PREX1: variants seen among roughly 807,000 people sequenced by gnomAD.
The protein encoded by PREX1 is phosphatidylinositol-3,4,5-trisphosphate dependent Rac exchange factor 1, also known as phosphatidylinositol 3,4,5-trisphosphate-dependent Rac exchanger 1 protein.
Under a neutral mutation model 198.3 loss-of-function variants are expected in PREX1, and 41 were observed. That is an observed-to-expected ratio of 0.21 (90% CI 0.16 to 0.27). The LOEUF is 0.27. Ranked by LOEUF, PREX1 falls within the 10% of genes least tolerant of loss-of-function variation. The pLI is 1.00. For synonymous variants in PREX1, 843 were observed against 887.2 expected, an observed-to-expected ratio of 0.95 and a Z score of 0.89; for missense variants, 1,620 against 2,200.7, an observed-to-expected ratio of 0.74 and a Z score of 5.28.
chr20:48,708,523 C>T, intron 5 of PREX1, 102 bp from the exon 6 acceptor site: 2 of 1,269,018 alleles, frequency 1.6e-6, no homozygotes, highest in Non-Finnish European at 1.1e-6. Context: ...AAACTCCTCG[C>T]CTGGTGGACA....
chr20:48,689,913 G>A (rs1401057442), intron 9 of PREX1, among the ~76,000 whole-genome samples: 1 of 152,234 alleles, frequency 6.6e-6, no homozygotes, highest in East Asian at 1.9e-4. Context: ...GGAGAAGAGA[G>A]GAGAAGCGGA....
chr20:48,788,909 G>C (rs1374550087), intron 1 of PREX1, among the ~76,000 whole-genome samples: 1 of 152,174 alleles, frequency 6.6e-6, no homozygotes, highest in Admixed American at 6.5e-5. Context: ...CCCCTGCCAC[G>C]TGATTCCCTA....
chr20:48,768,841 T>C (rs933659251), intron 1 of PREX1, among the ~76,000 whole-genome samples: 2 of 151,904 alleles, frequency 1.3e-5, no homozygotes, highest in African/African-American at 4.8e-5. Context: ...AAGGGGACTC[T>C]GGAGGCAAAG....
chr20:48,707,483 A>G (rs1391815159), intron 6 of PREX1, among the ~76,000 whole-genome samples: 11 of 152,212 alleles, frequency 7.2e-5, no homozygotes, highest in African/African-American at 2.4e-4. Flanking sequence ...GAAAAGAACT[A>G]GAAATCTCAA....
chr20:48,630,785 G>A lies in PREX1; in HGVS notation c.4536C>T (p.Tyr1512=). ...QQYYRKLRAF[Y]LERSNLPTDA... is the part of the protein sequence containing the mutation. ...CCGTGGGCAGGTTAGACCGCTCCAGGTAAAATGCCCTGCGAGAGAAAGATG... is the reference window on the plus strand; with the variant it reads ...CCGTGGGCAGGTTAGACCGCTCCAGATAAAATGCCCTGCGAGAGAAAGATG... The change falls in exon 36 of 40, where the codon TAC becomes TAT. Residue 1512 remains tyrosine, a synonymous_variant. Transcript: ENST00000371941. 8 of 1,583,164 alleles carry A rather than the reference G, an allele frequency of 5.1e-6. No homozygotes were observed. Among genetic ancestry groups the A allele is most frequent in the Non-Finnish European group, 6.9e-6 (8 of 1,152,154 alleles).
chr20:48,700,476 A>C (rs1489590981), intron 7 of PREX1, among the ~76,000 whole-genome samples: 1 of 152,238 alleles, frequency 6.6e-6, no homozygotes, highest in East Asian at 1.9e-4. Context: ...TATAATTATA[A>C]TTGAATAAAA....
chr20:48,766,406 C>T (rs74428634), intron 1 of PREX1, among the ~76,000 whole-genome samples: 3,790 of 152,284 alleles, frequency 0.025, 70 homozygotes, highest in South Asian at 0.042. Flanking sequence ...AGCCGCTCCC[C>T]GCTTCTCTGA....
intron 1 of PREX1, among the ~76,000 whole-genome samples, chr20:48,768,683 G>C (rs571450818): frequency 6.6e-6 from 1 of 152,056 alleles, no homozygotes; most frequent in Non-Finnish European, 1.5e-5. Flanking sequence ...ACTGAGGCAG[G>C]AGAATCATTT....
chr20:48,845,794 G>A, the PREX1 span, among the ~76,000 whole-genome samples: 3 of 152,054 alleles, frequency 2.0e-5, no homozygotes, highest in Admixed American at 6.5e-5. Flanking sequence ...TCCAGAAGCC[G>A]CGAGGAGGCC....
the PREX1 span, among the ~76,000 whole-genome samples, chr20:48,885,087 T>C: frequency 2.0e-5 from 3 of 152,232 alleles, no homozygotes; most frequent in Non-Finnish European, 4.4e-5. Context: ...GGGATAAATA[T>C]AGTAGTACCA....
chr20:48,813,549 G>T (rs945790964), intron 1 of PREX1, among the ~76,000 whole-genome samples: 12 of 152,212 alleles, frequency 7.9e-5, no homozygotes, highest in Non-Finnish European at 1.6e-4. Context: ...GGTTACACAA[G>T]AGAACGTCTG....
At chr20:48,630,938 T>C in intron 35 of PREX1, 144 bp from the exon 36 acceptor site, 1 of 653,404 alleles carries the variant, frequency 1.5e-6, no homozygotes, top group East Asian at 2.8e-5. Context: ...CTGCAGGCTG[T>C]GCTCACCCGC....
intron 5 of PREX1, among the ~76,000 whole-genome samples, chr20:48,720,544 A>G (rs1482483112): frequency 1.3e-5 from 2 of 152,140 alleles, no homozygotes; most frequent in East Asian, 3.8e-4. Flanking sequence ...GGGATTTGCT[A>G]AGAGAGTAGT....
chr20:48,713,180 G>C (rs2089942390), intron 5 of PREX1, among the ~76,000 whole-genome samples: 1 of 150,418 alleles, frequency 6.6e-6, no homozygotes. Flanking sequence ...AGCCAGGCAT[G>C]GTGGCTCACG....
intron 6 of PREX1, among the ~76,000 whole-genome samples, chr20:48,704,964 G>A (rs908027145): frequency 2.0e-5 from 3 of 152,188 alleles, no homozygotes; most frequent in East Asian, 1.9e-4. Flanking sequence ...CGCAGCCCAC[G>A]CTGGGCACAA....
chr20:48,786,941 G>A (rs1317843737), intron 1 of PREX1, among the ~76,000 whole-genome samples: 8 of 151,726 alleles, frequency 5.3e-5, no homozygotes, highest in Non-Finnish European at 1.5e-5. Flanking sequence ...AGGACAAGAG[G>A]TCACAAGGAT....
chr20:48,777,229 C>T (rs749339), intron 1 of PREX1, among the ~76,000 whole-genome samples: 40,366 of 151,996 alleles, frequency 0.27, 6,299 homozygotes, highest in Admixed American at 0.34. Flanking sequence ...GAGGCACAAA[C>T]ACCAGACCAG....
At chr20:48,870,450 G>T in the PREX1 span, among the ~76,000 whole-genome samples, 1 of 152,168 alleles carries the variant, frequency 6.6e-6, no homozygotes, top group Non-Finnish European at 1.5e-5. Flanking sequence ...CCGCTTCCCA[G>T]CTGACTACTA....
the PREX1 span, among the ~76,000 whole-genome samples, chr20:48,833,502 C>G: frequency 6.6e-6 from 1 of 150,390 alleles, no homozygotes. Flanking sequence ...AATGCAATGC[C>G]GCGATCTCGG....
Sources: allele counts gnomAD v4.1 joint callset (sites outside exome capture counted in the v4.1 genomes callset), GRCh38; gene constraint gnomAD v4.1.1; transcripts MANE v1.5; gene names NCBI Gene and HGNC (gene_info 2026-07-23, HGNC 2026-07-21).